EXOC6B: variants seen among roughly 807,000 people sequenced by gnomAD.
EXOC6B encodes SEC15 homolog B.
Under a neutral mutation model 113.5 loss-of-function variants are expected in EXOC6B, and 54 were observed. The observed-to-expected ratio is 0.48, with a 90% CI of 0.38 to 0.60. The LOEUF (loss-of-function observed/expected upper bound fraction) is 0.60. EXOC6B is among the 20% of genes least tolerant of loss of function. The pLI is 0.00. For synonymous variants in EXOC6B, 357 were observed against 339.0 expected (o/e 1.05, Z -0.58); for missense variants, 797 against 977.5 (o/e 0.82, Z 2.46).
chr2:72,334,577 C>G (rs903761726), intron 20 of EXOC6B, among the ~76,000 whole-genome samples: 8 of 152,158 alleles, frequency 5.3e-5, no homozygotes, highest in African/African-American at 1.9e-4. Context: ...CAAAACTTCT[C>G]CAAGCAGGCA....
At chr2:72,591,347 T>A (rs1705945785) in intron 6 of EXOC6B, among the ~76,000 whole-genome samples, 1 of 152,116 alleles carries the variant, frequency 6.6e-6, no homozygotes, top group African/African-American at 2.4e-5. Context: ...TTCAGAATAG[T>A]TACTGCTCAT....
chr2:72,250,759 A>T (rs186229958), intron 20 of EXOC6B, among the ~76,000 whole-genome samples: 1 of 147,788 alleles, frequency 6.8e-6, no homozygotes, highest in Non-Finnish European at 1.5e-5. Context: ...CATCACTTGT[A>T]AAAAAAAAAC....
chr2:72,442,233 G>A (rs1268642727), intron 18 of EXOC6B, among the ~76,000 whole-genome samples: 2 of 152,082 alleles, frequency 1.3e-5, no homozygotes, highest in East Asian at 1.9e-4. Flanking sequence ...AATAAACTAG[G>A]TATTGAAGGA....
chr2:72,516,905 C>T (rs529860666), intron 8 of EXOC6B, among the ~76,000 whole-genome samples: 1 of 152,254 alleles, frequency 6.6e-6, no homozygotes, highest in South Asian at 2.1e-4. Flanking sequence ...AGTAAAAGCC[C>T]TGCCCACCTA....
chr2:72,224,819 T>TGTGCGC (rs1553468177), intron 20 of EXOC6B, among the ~76,000 whole-genome samples: 2 of 150,146 alleles, frequency 1.3e-5, no homozygotes, highest in African/African-American at 4.9e-5. Flanking sequence ...TGTGTGTGTG[T>TGTGCGC]GCGTGTGTGT....
chr2:72,506,192 C>T (rs184873485), intron 11 of EXOC6B, among the ~76,000 whole-genome samples: 240 of 151,760 alleles, frequency 1.6e-3, no homozygotes, highest in Admixed American at 6.8e-3. Flanking sequence ...AAGAAAAAAA[C>T]ATAAAAACGC....
chr2:72,495,581 G>A (rs374232253), intron 14 of EXOC6B, 42 bp from the exon 15 acceptor site: 24 of 993,206 alleles, frequency 2.4e-5, no homozygotes, highest in Middle Eastern at 4.1e-4. Context: ...ACAAACCAAC[G>A]AAGATTGAAG....
chr2:72,398,578 T>A (rs1692907653), intron 18 of EXOC6B, among the ~76,000 whole-genome samples: 1 of 151,392 alleles, frequency 6.6e-6, no homozygotes, highest in Admixed American at 6.6e-5. Context: ...ACCCCTGTAA[T>A]CCCAGCTACT....
chr2:72,264,762 T>G (rs558819239), intron 20 of EXOC6B, among the ~76,000 whole-genome samples: 1 of 152,020 alleles, frequency 6.6e-6, no homozygotes, highest in South Asian at 2.1e-4. Context: ...ATCTGATGGT[T>G]TTATAAGCAT....
At chr2:72,719,460 A>G (rs1573683981) in intron 5 of EXOC6B, among the ~76,000 whole-genome samples, 1 of 152,316 alleles carries the variant, frequency 6.6e-6, no homozygotes, top group East Asian at 1.9e-4. Flanking sequence ...GAGGCTATGC[A>G]TACCTGCAGG....
chr2:72,359,084 T>C (rs538152405), intron 19 of EXOC6B, among the ~76,000 whole-genome samples: 87 of 152,348 alleles, frequency 5.7e-4, no homozygotes, highest in African/African-American at 2.0e-3. Context: ...GCTGTTTACC[T>C]TTTTCTTAGA....
At chr2:72,672,272 C>T (rs933636472) in intron 6 of EXOC6B, among the ~76,000 whole-genome samples, 6 of 150,194 alleles carry the variant, frequency 4.0e-5, no homozygotes, top group Non-Finnish European at 7.4e-5. Flanking sequence ...TATTGCAGCA[C>T]TACTCACAAC....
intron 1 of EXOC6B, among the ~76,000 whole-genome samples, chr2:72,823,466 A>G (rs1422885468): frequency 5.9e-5 from 8 of 134,612 alleles, no homozygotes; most frequent in African/African-American, 2.5e-4. Context: ...TAAGAAAAAA[A>G]AAAAAAAAAA....
intron 18 of EXOC6B, among the ~76,000 whole-genome samples, chr2:72,419,431 A>C (rs1274741969): frequency 6.6e-6 from 1 of 152,192 alleles, no homozygotes; most frequent in Non-Finnish European, 1.5e-5. Context: ...GTTACAGTCT[A>C]GTGTCCTTTC....
At position 72,601,539 on chromosome 2, in the gene EXOC6B, G is replaced by A. The variant is rs558417243; in HGVS notation, c.670-25871C>T. On this transcript the variant is annotated intron_variant, in intron 6 of 21. Coordinates refer to ENST00000272427, the MANE Select transcript of EXOC6B (RefSeq NM_015189.3). ...TAACAAATGCTGATGAGGGTGTGGA[G>A]CAACAGGAACCTCATTCATTGCTGG... is the stretch of plus-strand genomic sequence containing the variant. 1.1e-3 allele frequency among the ~76,000 whole-genome samples: 164 copies of A among 152,284 alleles called. 4 individuals carry two copies. In the South Asian group the frequency reaches 0.032, roughly 29 times the overall value.
At chr2:72,735,554 C>T (rs975629569) in intron 2 of EXOC6B, among the ~76,000 whole-genome samples, 2 of 152,170 alleles carry the variant, frequency 1.3e-5, no homozygotes, top group South Asian at 4.1e-4. Flanking sequence ...GTGGCTCACA[C>T]CTGTAAGCCT....
chr2:72,365,151 T>C (rs1268861947), intron 19 of EXOC6B, among the ~76,000 whole-genome samples: 1 of 152,136 alleles, frequency 6.6e-6, no homozygotes, highest in Non-Finnish European at 1.5e-5. Flanking sequence ...AGTGTGCTTA[T>C]TTATGAATGG....
chr2:72,549,881 T>C (rs776526853), intron 8 of EXOC6B, among the ~76,000 whole-genome samples: 5 of 152,010 alleles, frequency 3.3e-5, no homozygotes, highest in African/African-American at 4.8e-5. Flanking sequence ...GGTAGAGAAT[T>C]AGAAAAACAT....
chr2:72,714,104 C>T (rs1424872476), intron 6 of EXOC6B, among the ~76,000 whole-genome samples: 2 of 152,168 alleles, frequency 1.3e-5, no homozygotes, highest in Non-Finnish European at 2.9e-5. Flanking sequence ...CCACCAGGGA[C>T]ATGCACTTTG....
Sources: allele counts gnomAD v4.1 joint callset (sites outside exome capture counted in the v4.1 genomes callset), GRCh38; gene constraint gnomAD v4.1.1; transcripts MANE v1.5; gene names NCBI Gene and HGNC (gene_info 2026-07-23, HGNC 2026-07-21).